The following WDR86 variants were observed in gnomAD, a reference collection of about 807,000 sequenced individuals.
WDR86 encodes the protein WD repeat domain 86.
WDR86 carries 30 observed loss-of-function variants against 36.5 expected under a neutral mutation model. The ratio of observed to expected loss-of-function variants is 0.82; its 90% CI spans 0.61 to 1.11. WDR86 has a LOEUF of 1.11. Ranked by LOEUF, WDR86 falls within the 50% of genes most tolerant of loss-of-function variation. WDR86 has a pLI of 0.00. For synonymous variants in WDR86, 255 were observed against 252.9 expected, an observed-to-expected ratio of 1.01 and a Z score of -0.08; for missense variants, 545 against 561.2, an observed-to-expected ratio of 0.97 and a Z score of 0.29.
intron 3 of WDR86, among the ~76,000 whole-genome samples, chr7:151,389,372 T>C (rs1799238912): frequency 6.6e-6 from 1 of 152,138 alleles, no homozygotes; most frequent in Non-Finnish European, 1.5e-5. Flanking sequence ...CTTATCTCCA[T>C]AAATCAAAGA....
intron 3 of WDR86, among the ~76,000 whole-genome samples, chr7:151,394,340 A>G (rs1233812697): frequency 6.6e-6 from 1 of 152,020 alleles, no homozygotes; most frequent in African/African-American, 2.4e-5. Flanking sequence ...CTCTACCCCT[A>G]CAACCCCAAA....
At chr7:151,379,325 A>C (rs1026726723), downstream of WDR86, among the ~76,000 whole-genome samples, 8 of 152,166 alleles carry the variant, frequency 5.3e-5, no homozygotes, top group Admixed American at 6.5e-5. Context: ...CCATGCCAGC[A>C]CAATGGTGTG....
chr7:151,404,506 G>A (rs1800569094), intron 1 of WDR86, among the ~76,000 whole-genome samples: 1 of 152,134 alleles, frequency 6.6e-6, no homozygotes, highest in African/African-American at 2.4e-5. Context: ...AGGCCTGCGG[G>A]GTCACCCTAG....
Position 151,396,143 on chromosome 7 carries a change from C to T in WDR86, c.359G>A (p.Arg120Gln), listed in dbSNP as rs369760209. Residue 120 changes from arginine to glutamine, a missense_variant, in exon 3 of 6, where the codon CGG becomes CAG. Arg to Gln is a conservative substitution (Grantham distance 43). Coordinates refer to ENST00000334493, the MANE Select transcript of WDR86 (RefSeq NM_198285.3). ...CTGCCCCTTGTCCACACTCCAGACC[C>T]GAGCTGTCCGGTCATAGGAGCTGCT... ...LFSSSYDRTA[R>Q]VWSVDKGQMS... 2.9e-5 allele frequency: 46 copies of T among 1,612,856 alleles called. No homozygotes were observed. The highest frequency in any genetic ancestry group is 1.8e-4 in the South Asian group (16 of 91,086).
At chr7:151,374,381 T>C, downstream of WDR86, 6 of 1,149,288 alleles carry the variant, frequency 5.2e-6, no homozygotes, top group Non-Finnish European at 5.0e-6. Context: ...GGCAGGTTTC[T>C]CCTGGGCTCC....
rs187431577 is a variant in WDR86 at position 151,389,545 on chromosome 7, G to A, written c.727-4322C>T. ...GACTTGCAAGCACACACGCTTCTTC[G>A]GCAAAACGATTTCAGAGGCGACACA... is the stretch of plus-strand genomic sequence containing the variant. On this transcript the variant is annotated intron_variant, in intron 3 of 5. Transcript: ENST00000334493. Among the ~76,000 whole-genome samples, 25 of 152,258 alleles carry A rather than the reference G, an allele frequency of 1.6e-4. No individual in the cohort carries two copies. The East Asian group carries it at 3.5e-3, about 21-fold the overall frequency.
chr7:151,382,081 C>G, intron 4 of WDR86, 100 bp from the exon 5 acceptor site: 8 of 1,021,218 alleles, frequency 7.8e-6, no homozygotes, highest in Non-Finnish European at 1.2e-5. Flanking sequence ...TCCGAGACTC[C>G]GCCCCACGGG....
At chr7:151,382,772 C>T (rs1054364772) in intron 4 of WDR86, among the ~76,000 whole-genome samples, 14 of 152,086 alleles carry the variant, frequency 9.2e-5, no homozygotes, top group Non-Finnish European at 1.5e-4. Context: ...ACCTGGCAGG[C>T]GTCCCAGGAA....
At chr7:151,394,506 C>A (rs1001674042) in intron 3 of WDR86, among the ~76,000 whole-genome samples, 2 of 152,358 alleles carry the variant, frequency 1.3e-5, no homozygotes, top group Middle Eastern at 3.4e-3. Context: ...CAACCGCTTG[C>A]CGCAGGGGTC....
upstream of WDR86, chr7:151,410,680 G>C (rs1043410353): frequency 3.3e-5 from 5 of 152,388 alleles, no homozygotes; most frequent in African/African-American, 1.2e-4. Flanking sequence ...CCCGGCGGCT[G>C]GTTTCCATTA....
In WDR86 at chr7:151,406,019, C is replaced by T. The variant is rs1376098060; in HGVS notation, c.163+3408G>A. Among the ~76,000 whole-genome samples the T allele has an allele frequency of 1.3e-5, 2 of 152,176 alleles. No individual in the cohort carries two copies. The highest frequency in any genetic ancestry group is 2.9e-5 in the Non-Finnish European group (2 of 68,034). On this transcript the variant is annotated intron_variant, in intron 1 of 5. Transcript: ENST00000334493. The surrounding 1 kb of genome is among the most constrained non-coding windows in gnomAD (Gnocchi z 4.4). Reference sequence around the variant, plus strand: ...AAGTGCCCCCAAATAAGGAGATATTCAATGAATAAACCTGAAAAAGAGGAG... The same window carrying T: ...AAGTGCCCCCAAATAAGGAGATATTTAATGAATAAACCTGAAAAAGAGGAG...
In WDR86 at chr7:151,405,255, CTA is replaced by C. The variant is rs57351846; in HGVS notation, c.163+4170_163+4171del. Among the ~76,000 whole-genome samples, 34,374 of 151,802 alleles carry C rather than the reference CTA, an allele frequency of 0.23. 4,364 individuals carry two copies. The highest frequency in any genetic ancestry group is 0.34 in the African/African-American group (13,963 of 41,298). On this transcript the variant is annotated intron_variant, in intron 1 of 5. Coordinates refer to ENST00000334493, the MANE Select transcript of WDR86 (RefSeq NM_198285.3). This position sits in a 1 kb window ranked among gnomAD's most constrained non-coding sequence, Gnocchi z 4.7. ...CAAGTGGGAGCCGCAGCTGGAGACTCTAGGTCAGGATATGTTCCCCTCCCCCA... is the reference window on the plus strand; with the variant it reads ...CAAGTGGGAGCCGCAGCTGGAGACTCGGTCAGGATATGTTCCCCTCCCCCA...
chr7:151,392,013 C>T (rs1008931379), intron 3 of WDR86, among the ~76,000 whole-genome samples: 21 of 152,296 alleles, frequency 1.4e-4, no homozygotes, highest in Middle Eastern at 3.4e-3. Flanking sequence ...CGTTTGGCTG[C>T]CTTCAGTGCC....
intron 3 of WDR86, among the ~76,000 whole-genome samples, chr7:151,393,058 T>C (rs1799548564): frequency 1.3e-5 from 2 of 152,166 alleles, no homozygotes; most frequent in Admixed American, 1.3e-4. Context: ...TGGCTAAGTT[T>C]CAAAGGGAAA....
chr7:151,400,506 T>G (rs1584782183), intron 1 of WDR86, among the ~76,000 whole-genome samples: 1 of 152,158 alleles, frequency 6.6e-6, no homozygotes. Flanking sequence ...CTCAGCCTCC[T>G]GAGTAGCTGA....
intron 3 of WDR86, among the ~76,000 whole-genome samples, chr7:151,385,549 TGG>T (rs1030150025): frequency 4.6e-5 from 7 of 152,084 alleles, no homozygotes; most frequent in African/African-American, 1.7e-4. Flanking sequence ...AGGGTGTGTG[TGG>T]GGTACAGGCA....
Position 151,409,734 on chromosome 7 carries a change from G to A in WDR86, c.-145C>T, listed in dbSNP as rs1360577708. On this transcript the variant is annotated 5_prime_UTR_variant, in exon 1 of 6. Coordinates refer to ENST00000334493, the MANE Select transcript of WDR86 (RefSeq NM_198285.3). The surrounding 1 kb of genome is among the most constrained non-coding windows in gnomAD (Gnocchi z 5.2). Reference sequence around the variant, plus strand: ...GACTCCTGCGGAGGCACGCGGCGAGGGGAGGGTGAAGGACCCTAGCTCCCC... The same window carrying A: ...GACTCCTGCGGAGGCACGCGGCGAGAGGAGGGTGAAGGACCCTAGCTCCCC... The A allele has an allele frequency of 2.3e-6, 3 of 1,300,778 alleles. No individual in the cohort carries two copies. Among genetic ancestry groups the A allele is most frequent in the African/African-American group, 3.1e-5 (2 of 64,414 alleles). 80.6% of individuals were successfully genotyped at this position (1,300,778 alleles called of 1,614,324 possible). A position where few individuals can be genotyped will look rare whatever the true frequency, so the allele number is the denominator to read the frequency against.
rs1170904763 is a variant in WDR86, at chr7:151,381,809, G to A, written c.967-63C>T. On this transcript the variant is annotated intron_variant, in intron 5 of 5. Transcript: ENST00000334493. This position sits in a 1 kb window ranked among gnomAD's most constrained non-coding sequence, Gnocchi z 4.8. ...AGGCGGGGGGGACACCGCTGCCCGCGTGGATGGATCGGGGCGGGGCACCTT... is the reference window on the plus strand; with the variant it reads ...AGGCGGGGGGGACACCGCTGCCCGCATGGATGGATCGGGGCGGGGCACCTT... The A allele has an allele frequency of 1.1e-5, 16 of 1,505,482 alleles. No individual in the cohort carries two copies. The East Asian group carries it at 3.8e-4, about 36-fold the overall frequency. The allele number at this position is 1,505,482 out of a possible 1,614,324, so 93.3% of individuals were successfully genotyped here.
chr7:151,409,256 G>A lies in WDR86; in HGVS notation c.163+171C>T, dbSNP rs1336700780. 8 of 1,033,598 alleles carry A rather than the reference G, an allele frequency of 7.7e-6. No homozygotes were observed. The highest frequency in any genetic ancestry group is 6.1e-5 in the South Asian group (4 of 65,598). 64.0% of individuals were successfully genotyped at this position (1,033,598 alleles called of 1,614,324 possible). ...CCCCCAGACCTCACCCTGCCCTGCC[G>A]TGCGCTCAACAGCCAGATGCTGGGC... On this transcript the variant is annotated intron_variant, in intron 1 of 5. Transcript: ENST00000334493. The surrounding 1 kb of genome is among the most constrained non-coding windows in gnomAD (Gnocchi z 5.2).
Sources: allele counts gnomAD v4.1 joint callset (sites outside exome capture counted in the v4.1 genomes callset), GRCh38; gene constraint gnomAD v4.1.1; non-coding constraint Gnocchi (gnomAD v3.1); transcripts MANE v1.5; gene names NCBI Gene and HGNC (gene_info 2026-07-23, HGNC 2026-07-21).